STX2: variants seen among roughly 807,000 people sequenced by gnomAD.
STX2 encodes syntaxin-2.
Under a neutral mutation model 40.6 loss-of-function variants are expected in STX2, and 27 were observed. That is an observed-to-expected ratio of 0.66 (90% CI 0.49 to 0.92). The LOEUF is 0.92. Among genes scored for constraint, STX2 ranks in the 40% least tolerant of loss-of-function variants. The pLI, the probability that STX2 is intolerant of heterozygous loss-of-function variation, is 0.00. For missense variants in STX2, 328 were observed against 366.1 expected, an observed-to-expected ratio of 0.90 and a Z score of 0.85; for synonymous variants, 123 against 119.1, an observed-to-expected ratio of 1.03 and a Z score of -0.22.
intron 2 of STX2, 66 bp from the exon 3 acceptor site, chr12:130,821,854 A>T: frequency 1.2e-5 from 11 of 930,028 alleles, no homozygotes; most frequent in Non-Finnish European, 1.9e-5. Flanking sequence ...TCATCCCCTA[A>T]AAGGGGAAGA....
chr12:130,837,982 G>C (rs377495758), intron 1 of STX2, among the ~76,000 whole-genome samples: 3 of 152,208 alleles, frequency 2.0e-5, no homozygotes, highest in Admixed American at 6.5e-5. Flanking sequence ...ACAGAACACA[G>C]ATAATGATTT....
At position 130,820,483 on chromosome 12, in the gene STX2, T is replaced by C. The variant is rs549365651; in HGVS notation, c.205+1206A>G. Among the ~76,000 whole-genome samples, 15 of 152,234 alleles carry C rather than the reference T, an allele frequency of 9.9e-5. No homozygotes were observed. In the South Asian group the frequency reaches 2.5e-3, roughly 25 times the overall value. ...GAGTTCAAGACCAGCCTGGCCAATATGGTGAAATCCCATGTCTACTAAAAA... is the reference window on the plus strand; with the variant it reads ...GAGTTCAAGACCAGCCTGGCCAATACGGTGAAATCCCATGTCTACTAAAAA... On this transcript the variant is annotated intron_variant, in intron 3 of 10. Transcript: ENST00000392373.
At position 130,791,986 on chromosome 12, in the gene STX2, TAAAG is replaced by T. The variant is rs1184556136; in HGVS notation, c.*46-13_*46-10del. 6.3e-6 allele frequency: 10 copies of T among 1,576,850 alleles called. No individual in the cohort carries two copies. The highest frequency in any genetic ancestry group is 8.7e-6 in the Non-Finnish European group (10 of 1,149,862). ...ATAATGAACATCAATTTCTGCAAGA[TAAAG>T]AAAAACATTAATTTGCAATGTATCA... is the stretch of plus-strand genomic sequence containing the variant. On this transcript the variant is annotated splice_polypyrimidine_tract_variant and intron_variant, in intron 10 of 10. Coordinates refer to ENST00000392373, the MANE Select transcript of STX2 (RefSeq NM_194356.4).
Position 130,813,010 on chromosome 12 carries a change from T to C in STX2, c.227A>G (p.Asp76Gly). Reference protein sequence around the residue: ...PEGKIKEELEDLNKEIKKTAN... With the variant: ...PEGKIKEELEGLNKEIKKTAN... ...AGTTTTCTTGATTTCTTTGTTCAGATCTTCAAGCTCTTCTTTTATTTCTAT... is the reference window on the plus strand; with the variant it reads ...AGTTTTCTTGATTTCTTTGTTCAGACCTTCAAGCTCTTCTTTTATTTCTAT... The change falls in exon 4 of 11, where the codon GAT (aspartate) becomes GGT (glycine). Residue 76 changes from aspartate (D) to glycine (G), a missense_variant. Asp to Gly is a moderately conservative substitution (Grantham distance 94). Coordinates refer to ENST00000392373, the MANE Select transcript of STX2 (RefSeq NM_194356.4). 6.5e-7 allele frequency: 1 copy of C among 1,529,020 alleles called. No individual in the cohort carries two copies. The highest frequency in any genetic ancestry group is 8.7e-7 in the Non-Finnish European group (1 of 1,145,350). The allele number at this position is 1,529,020 out of a possible 1,614,324, so 94.7% of individuals were successfully genotyped here.
In STX2 at chr12:130,816,396, T is replaced by A. The variant is rs1452431889; in HGVS notation, c.206-3365A>T. ...GGGGGGCACTCATGACGGAGTGAAC[T>A]TGCTGCCACTACAGGCCCACGGGGC... On this transcript the variant is annotated intron_variant, in intron 3 of 10. Coordinates refer to ENST00000392373, the MANE Select transcript of STX2 (RefSeq NM_194356.4). Among the ~76,000 whole-genome samples, 555 of 152,310 alleles carry A rather than the reference T, an allele frequency of 3.6e-3. 1 individual carries two copies. The highest frequency in any genetic ancestry group is 0.013 in the African/African-American group (530 of 41,566).
chr12:130,813,035 T>C lies in STX2; in HGVS notation c.206-4A>G. 4 of 1,469,932 alleles carry C rather than the reference T, an allele frequency of 2.7e-6. No individual in the cohort carries two copies. The highest frequency in any genetic ancestry group is 2.5e-5 in the East Asian group (1 of 40,742). 91.1% of individuals were successfully genotyped at this position (1,469,932 alleles called of 1,614,324 possible). On this transcript the variant is annotated splice_region_variant and splice_polypyrimidine_tract_variant and intron_variant, in intron 3 of 10. Transcript: ENST00000392373. ...TCTTCAAGCTCTTCTTTTATTTCTA[T>C]AAAAATTTAAAATTAAAAAATAAAA...
chr12:130,829,881 T>C (rs1160609806), intron 1 of STX2, among the ~76,000 whole-genome samples: 1 of 152,144 alleles, frequency 6.6e-6, no homozygotes, highest in African/African-American at 2.4e-5. Context: ...CAGACGGCCC[T>C]TGTGGCCCTG....
chr12:130,797,007 G>A (rs977293942), intron 9 of STX2, among the ~76,000 whole-genome samples: 1 of 152,204 alleles, frequency 6.6e-6, no homozygotes, highest in Non-Finnish European at 1.5e-5. Context: ...GAGCGGCAAG[G>A]GGACAGGGAG....
At chr12:130,792,249 C>T (rs996109300) in intron 10 of STX2, among the ~76,000 whole-genome samples, 3 of 152,154 alleles carry the variant, frequency 2.0e-5, no homozygotes, top group African/African-American at 7.2e-5. Flanking sequence ...TTAGTAGACA[C>T]GGGGTTTCAG....
In STX2 at chr12:130,790,123, A is replaced by T. The variant is rs1461727990; in HGVS notation, c.*1900T>A. On this transcript the variant is annotated 3_prime_UTR_variant, in exon 11 of 11. Transcript: ENST00000392373. Reference sequence around the variant, plus strand: ...AAGTGATACCTTCAACATAGCCACAAATCAGTGAGCACATCCCACGACAGG... The same window carrying T: ...AAGTGATACCTTCAACATAGCCACATATCAGTGAGCACATCCCACGACAGG... 6.6e-6 allele frequency: 1 copy of T among 152,180 alleles called. No homozygotes were observed. The highest frequency in any genetic ancestry group is 1.9e-4 in the East Asian group (1 of 5,196). The allele number at this position is 152,180 out of a possible 1,614,324, so 9.4% of individuals were successfully genotyped here.
At chr12:130,834,356 CAAAA>C (rs11355842) in intron 1 of STX2, among the ~76,000 whole-genome samples, 1 of 92,780 alleles carries the variant, frequency 1.1e-5, no homozygotes, top group African/African-American at 3.9e-5. Context: ...CACTCTGTCT[CAAAA>C]AAAAAAAAAA....
intron 3 of STX2, among the ~76,000 whole-genome samples, chr12:130,814,374 G>C (rs1355032334): frequency 2.0e-5 from 3 of 152,134 alleles, no homozygotes; most frequent in Non-Finnish European, 4.4e-5. Flanking sequence ...GTCTGCTGCA[G>C]CTGTCCCACA....
chr12:130,829,330 T>C (rs1459473846), intron 1 of STX2, among the ~76,000 whole-genome samples: 1 of 150,826 alleles, frequency 6.6e-6, no homozygotes, highest in African/African-American at 2.5e-5. Flanking sequence ...TCTACACACA[T>C]GTTCTCATTA....
chr12:130,823,060 T>C (rs1019855516), intron 2 of STX2, among the ~76,000 whole-genome samples: 3 of 152,060 alleles, frequency 2.0e-5, no homozygotes, highest in African/African-American at 7.2e-5. Flanking sequence ...CCCAGCACTT[T>C]GGGAGCCAAG....
At chr12:130,811,889 T>C (rs1951673735) in intron 4 of STX2, among the ~76,000 whole-genome samples, 1 of 152,194 alleles carries the variant, frequency 6.6e-6, no homozygotes, top group African/African-American at 2.4e-5. Flanking sequence ...TGTAATCAGA[T>C]GCTGCATCTT....
At chr12:130,806,855 G>C in intron 6 of STX2, 127 bp downstream of exon 6, 1 of 833,690 alleles carries the variant, frequency 1.2e-6, no homozygotes, top group East Asian at 2.6e-5. Flanking sequence ...GCTACGAGTG[G>C]TCTTTGGGTT....
In STX2 at chr12:130,801,578, T is replaced by C. The variant is rs1454980111; in HGVS notation, c.464-90A>G. On this transcript the variant is annotated intron_variant, in intron 6 of 10. Coordinates refer to ENST00000392373, the MANE Select transcript of STX2 (RefSeq NM_194356.4). ...AACCATAAGTTAGCAACTACAATCA[T>C]AGTTGTTAGCATTTTTCAGTAATTT... is the stretch of plus-strand genomic sequence containing the variant. 11 of 1,335,164 alleles carry C rather than the reference T, an allele frequency of 8.2e-6. No homozygotes were observed. The South Asian group carries it at 1.4e-4, about 17-fold the overall frequency. 82.7% of individuals were successfully genotyped at this position (1,335,164 alleles called of 1,614,324 possible).
chr12:130,810,306 C>A (rs149058360), intron 4 of STX2, among the ~76,000 whole-genome samples: 53 of 152,154 alleles, frequency 3.5e-4, no homozygotes, highest in African/African-American at 1.1e-3. Context: ...ATTTTTAGTC[C>A]TTCCTTTATT....
intron 1 of STX2, among the ~76,000 whole-genome samples, chr12:130,830,588 C>A (rs1277438548): frequency 6.6e-6 from 1 of 152,212 alleles, no homozygotes; most frequent in Admixed American, 6.5e-5. Context: ...TATTCTTAAG[C>A]CTTGACTTAT....
Sources: gnomAD v4.1 joint callset for allele counts (sites outside exome capture counted in the v4.1 genomes callset) on GRCh38, gnomAD v4.1.1 for gene constraint, MANE v1.5 for transcripts, NCBI Gene and HGNC (gene_info 2026-07-23, HGNC 2026-07-21) for gene names.